Variants in CRMP1 observed in about 807,000 individuals in gnomAD.
CRMP1 encodes the protein dihydropyrimidinase-related protein 1.
A neutral mutation model predicts 68.3 loss-of-function variants in CRMP1; 19 were observed. The observed-to-expected ratio is 0.28, with a 90% CI of 0.19 to 0.41. CRMP1 has a LOEUF of 0.41. Ranked by LOEUF, CRMP1 falls within the 10% of genes least tolerant of loss-of-function variation. The pLI is 1.00. For synonymous variants in CRMP1, 439 were observed against 399.6 expected, an observed-to-expected ratio of 1.10 and a Z score of -1.18; for missense variants, 791 against 967.4, an observed-to-expected ratio of 0.82 and a Z score of 2.42.
At chr4:5,836,661 A>C in intron 10 of CRMP1, 104 bp downstream of exon 10, 8 of 1,549,950 alleles carry the variant, frequency 5.2e-6, no homozygotes, top group Non-Finnish European at 7.1e-6. Context: ...TTCCGCCTCC[A>C]TGTAAGAAGG....
chr4:5,845,304 G>T (rs950834559), intron 6 of CRMP1, among the ~76,000 whole-genome samples: 4 of 152,162 alleles, frequency 2.6e-5, no homozygotes, highest in African/African-American at 9.7e-5. Flanking sequence ...TGTCACTCCC[G>T]AGGTCAGGTT....
At chr4:5,839,386 G>C in intron 9 of CRMP1, 136 bp downstream of exon 9, 1 of 1,071,808 alleles carries the variant, frequency 9.3e-7, no homozygotes, top group Non-Finnish European at 1.3e-6. Flanking sequence ...CCATATGAGC[G>C]CAGTCCTTGC....
chr4:5,849,509 A>C, intron 5 of CRMP1, 37 bp from the exon 6 acceptor site: 1 of 1,037,956 alleles, frequency 9.6e-7, no homozygotes. Flanking sequence ...GTGAGATTTA[A>C]AAAAAAAAAA....
At chr4:5,868,263 A>ATC (rs1329749936) in intron 1 of CRMP1, among the ~76,000 whole-genome samples, 34 of 8,038 alleles carry the variant, frequency 4.2e-3, no homozygotes, top group Non-Finnish European at 5.5e-3. Flanking sequence ...CTATATATCT[A>ATC]TATATATATA....
Position 5,841,181 on chromosome 4 carries a change from G to A in CRMP1, c.1153+127C>T. The stretch of plus-strand genomic sequence containing the variant: ...TCCAGCCACCATCCTTGTGTCAGGA[G>A]CATCCCCGCTCCACCCCTCCCTCCT... On this transcript the variant is annotated intron_variant, in intron 8 of 13. Coordinates refer to ENST00000324989, the MANE Select transcript of CRMP1 (RefSeq NM_001014809.3). The surrounding 1 kb of genome is among the most constrained non-coding windows in gnomAD (Gnocchi z 6.9). 1 of 1,419,042 alleles carries A rather than the reference G, an allele frequency of 7.0e-7. No homozygotes were observed. Among genetic ancestry groups the A allele is most frequent in the Non-Finnish European group, 9.8e-7 (1 of 1,020,384 alleles). The allele number at this position is 1,419,042 out of a possible 1,614,324, so 87.9% of individuals were successfully genotyped here. A position where few individuals can be genotyped will look rare whatever the true frequency, so the allele number is the denominator to read the frequency against.
chr4:5,861,352 A>T lies in CRMP1; in HGVS notation c.471-142T>A. ...CTGGGGAGACAGAGATAACTCAGGCAGGGCACATGCCCTCAAGGGGCTCAT... is the reference window on the plus strand; with the variant it reads ...CTGGGGAGACAGAGATAACTCAGGCTGGGCACATGCCCTCAAGGGGCTCAT... On this transcript the variant is annotated intron_variant, in intron 2 of 13. Coordinates refer to ENST00000324989, the MANE Select transcript of CRMP1 (RefSeq NM_001014809.3). This position sits in a 1 kb window ranked among gnomAD's most constrained non-coding sequence, Gnocchi z 6.0. The T allele has an allele frequency of 1.3e-6, 1 of 798,800 alleles. No homozygotes were observed. Among genetic ancestry groups the T allele is most frequent in the Non-Finnish European group, 2.0e-6 (1 of 504,034 alleles). 49.5% of individuals were successfully genotyped at this position (798,800 alleles called of 1,614,324 possible). A position where few individuals can be genotyped will look rare whatever the true frequency, so the allele number is the denominator to read the frequency against.
chr4:5,826,378 G>C (rs139919983), intron 12 of CRMP1: 2 of 153,126 alleles, frequency 1.3e-5, no homozygotes, highest in African/African-American at 2.4e-5. Context: ...AGCTGAGACA[G>C]GGAGGGAGAA....
rs546355000 is a variant in CRMP1, at chr4:5,850,236, T to C, written c.883-764A>G. On this transcript the variant is annotated intron_variant, in intron 5 of 13. Coordinates refer to ENST00000324989, the MANE Select transcript of CRMP1 (RefSeq NM_001014809.3). This position sits in a 1 kb window ranked among gnomAD's most constrained non-coding sequence, Gnocchi z 4.4. ...CGACAGACATCCCTATTTCAGCAAA[T>C]AGGGAAGGCATGTGGAGGCATGAAG... Among the ~76,000 whole-genome samples, 96 of 152,164 alleles carry C rather than the reference T, an allele frequency of 6.3e-4. No individual in the cohort carries two copies. Among genetic ancestry groups the C allele is most frequent in the African/African-American group, 2.2e-3 (90 of 41,522 alleles).
chr4:5,849,462 G>C lies in CRMP1; in HGVS notation c.893C>G (p.Ala298Gly), dbSNP rs200982795. The change falls in exon 6 of 14, where the codon GCC (alanine) becomes GGC (glycine). Residue 298 changes from alanine to glycine, a missense_variant. By Grantham distance (60) the Ala-to-Gly change is moderately conservative. Coordinates refer to ENST00000324989, the MANE Select transcript of CRMP1 (RefSeq NM_001014809.3). ...TCCCAGGCCCTTAAGGAAGGTAAAG[G>C]CTTCATAGAGCTATGGAGAGATAAA... The part of the protein sequence containing the change: ...YQMSDSQLYE[A>G]FTFLKGLGAV... 24 of 1,612,662 alleles carry C rather than the reference G, an allele frequency of 1.5e-5. No homozygotes were observed. Among genetic ancestry groups the C allele is most frequent in the East Asian group, 2.2e-5 (1 of 44,850 alleles).
intron 1 of CRMP1, among the ~76,000 whole-genome samples, chr4:5,876,825 C>T (rs978827270): frequency 3.5e-5 from 5 of 144,566 alleles, no homozygotes; most frequent in Non-Finnish European, 7.5e-5. Context: ...GCTAAAAATT[C>T]CCATCGGGGC....
chr4:5,841,828 C>G lies in CRMP1; in HGVS notation c.1033-400G>C, dbSNP rs559517552. On this transcript the variant is annotated intron_variant, in intron 7 of 13. Coordinates refer to ENST00000324989, the MANE Select transcript of CRMP1 (RefSeq NM_001014809.3). This position sits in a 1 kb window ranked among gnomAD's most constrained non-coding sequence, Gnocchi z 6.9. ...CTGTGTCCCCTGTGTCCAGCAGACA[C>G]CAGGCCCAGGGCATGGGCCCAGAAG... 5.9e-5 allele frequency among the ~76,000 whole-genome samples: 9 copies of G among 152,126 alleles called. No individual in the cohort carries two copies. The highest frequency in any genetic ancestry group is 3.9e-4 in the Admixed American group (6 of 15,280).
intron 13 of CRMP1, among the ~76,000 whole-genome samples, chr4:5,822,421 A>T (rs1486090708): frequency 1.3e-5 from 2 of 149,378 alleles, no homozygotes; most frequent in African/African-American, 4.9e-5. Context: ...ATGCATGTGC[A>T]TATGTGTGTG....
rs565659719 is a variant in CRMP1, at chr4:5,850,610, C to T, written c.882+798G>A. Among the ~76,000 whole-genome samples, 1 of 152,292 alleles carries T rather than the reference C, an allele frequency of 6.6e-6. No individual in the cohort carries two copies. The highest frequency in any genetic ancestry group is 6.5e-5 in the Admixed American group (1 of 15,304). ...TGCTAGGCACCATCCTAGCACTTTA[C>T]TCTTCTTATGAAATCATTCAACTGC... is the stretch of plus-strand genomic sequence containing the variant. On this transcript the variant is annotated intron_variant, in intron 5 of 13. Transcript: ENST00000324989. This position sits in a 1 kb window ranked among gnomAD's most constrained non-coding sequence, Gnocchi z 4.4.
intron 6 of CRMP1, among the ~76,000 whole-genome samples, chr4:5,848,822 C>G (rs1316923187): frequency 6.6e-6 from 1 of 152,180 alleles, no homozygotes. Flanking sequence ...GCTCAGGCCT[C>G]TCTTCTTCTC....
Position 5,865,168 on chromosome 4 carries a change from T to C in CRMP1, c.470+1500A>G, listed in dbSNP as rs1713895654. 6.6e-6 allele frequency among the ~76,000 whole-genome samples: 1 copy of C among 152,098 alleles called. No homozygotes were observed. The highest frequency in any genetic ancestry group is 2.4e-5 in the African/African-American group (1 of 41,420). Reference sequence around the variant, plus strand: ...CCTTTCTGCCTTCCCCTTGCTCCAATTCCCCTCTGCCTTTCCTTCTTGTGC... The same window carrying C: ...CCTTTCTGCCTTCCCCTTGCTCCAACTCCCCTCTGCCTTTCCTTCTTGTGC... On this transcript the variant is annotated intron_variant, in intron 2 of 13. Transcript: ENST00000324989. This position sits in a 1 kb window ranked among gnomAD's most constrained non-coding sequence, Gnocchi z 4.1.
Position 5,860,929 on chromosome 4 carries a change from G to A in CRMP1, c.655+97C>T. 1 of 1,264,972 alleles carries A rather than the reference G, an allele frequency of 7.9e-7. No individual in the cohort carries two copies. Among genetic ancestry groups the A allele is most frequent in the Non-Finnish European group, 1.1e-6 (1 of 913,782 alleles). 78.4% of individuals were successfully genotyped at this position (1,264,972 alleles called of 1,614,324 possible). A position where few individuals can be genotyped will look rare whatever the true frequency, so the allele number is the denominator to read the frequency against. On this transcript the variant is annotated intron_variant, in intron 3 of 13. Coordinates refer to ENST00000324989, the MANE Select transcript of CRMP1 (RefSeq NM_001014809.3). This position sits in a 1 kb window ranked among gnomAD's most constrained non-coding sequence, Gnocchi z 4.2. ...GAGAATGAAATCCAATGGCACCCTGGGCAGAGAGCCTCGAACACACTGAGC... is the reference window on the plus strand; with the variant it reads ...GAGAATGAAATCCAATGGCACCCTGAGCAGAGAGCCTCGAACACACTGAGC...
intron 5 of CRMP1, among the ~76,000 whole-genome samples, chr4:5,849,831 G>GAC (rs1712492553): frequency 1.3e-5 from 2 of 152,284 alleles, no homozygotes; most frequent in South Asian, 2.1e-4. Flanking sequence ...CTGGTCCTGA[G>GAC]AAGTCACTGT....
At chr4:5,862,694 GTC>G (rs1371207884) in intron 2 of CRMP1, among the ~76,000 whole-genome samples, 1 of 152,196 alleles carries the variant, frequency 6.6e-6, no homozygotes, top group Non-Finnish European at 1.5e-5. Context: ...CACGTGGTGT[GTC>G]TACACATGGG....
chr4:5,884,375 T>C (rs1185564236), intron 1 of CRMP1, among the ~76,000 whole-genome samples: 1 of 151,794 alleles, frequency 6.6e-6, no homozygotes, highest in Non-Finnish European at 1.5e-5. Flanking sequence ...CACTGTTTAA[T>C]CAAACACACA....
Sources: allele counts gnomAD v4.1 joint callset (sites outside exome capture counted in the v4.1 genomes callset), GRCh38; gene constraint gnomAD v4.1.1; non-coding constraint Gnocchi (gnomAD v3.1); transcripts MANE v1.5; gene names NCBI Gene and HGNC (gene_info 2026-07-23, HGNC 2026-07-21).